The following ABCB1 variants were observed in gnomAD, a reference collection of about 807,000 sequenced individuals.
ABCB1 encodes the protein ATP-dependent translocase ABCB1.
A neutral mutation model predicts 142.0 loss-of-function variants in ABCB1; 69 were observed. The observed-to-expected ratio is 0.49, with a 90% CI of 0.40 to 0.59. ABCB1 has a LOEUF of 0.59. ABCB1 is among the 20% of genes least tolerant of loss of function. The pLI is 0.00. For synonymous variants in ABCB1, 532 were observed against 539.2 expected (o/e 0.99, Z 0.18); for missense variants, 1,326 against 1,554.7 (o/e 0.85, Z 2.47).
chr7:87,679,218 A>G (rs1318322929), intron 1 of ABCB1, among the ~76,000 whole-genome samples: 1 of 146,636 alleles, frequency 6.8e-6, no homozygotes, highest in Non-Finnish European at 1.5e-5. Flanking sequence ...TCAGCCTCCC[A>G]AGAAGCTGGG....
At chr7:87,638,833 C>A (rs542322451) in intron 1 of ABCB1, among the ~76,000 whole-genome samples, 1 of 152,078 alleles carries the variant, frequency 6.6e-6, no homozygotes, top group Admixed American at 6.5e-5. Flanking sequence ...TGTTAATTTT[C>A]TCTGTCGACT....
At chr7:87,634,505 G>T in intron 1 of ABCB1, among the ~76,000 whole-genome samples, 2 of 86,920 alleles carry the variant, frequency 2.3e-5, no homozygotes, top group Non-Finnish European at 4.6e-5. Flanking sequence ...GGGGGGGGGG[G>T]CACCTGTAAT....
chr7:87,675,653 C>CAAAAAAAAAAAAAAAAAAAAGA (rs200136132), intron 1 of ABCB1, among the ~76,000 whole-genome samples: 7 of 65,804 alleles, frequency 1.1e-4, no homozygotes, highest in East Asian at 4.4e-4. Context: ...TATTCACATG[C>CAAAAAAAAAAAAAAAAAAAAGA]AAAAAAAAAA....
chr7:87,565,944 A>G, intron 7 of ABCB1, 126 bp downstream of exon 7: 1 of 1,100,466 alleles, frequency 9.1e-7, no homozygotes, highest in Non-Finnish European at 1.4e-6. Flanking sequence ...GCTGATTTTG[A>G]ACAGAAAACG....
rs543994338 is a variant in ABCB1, at chr7:87,624,345, A to G, written c.-330-23267T>C. ...ATGCTGGGTTTATGGCATATTTAAA[A>G]AGTCCACTTCTCTGAGACTAGAATA... On this transcript the variant is annotated intron_variant, in intron 1 of 28. Coordinates refer to the ABCB1 transcript ENST00000265724. 4.6e-5 allele frequency among the ~76,000 whole-genome samples: 7 copies of G among 152,306 alleles called. No homozygotes were observed. The East Asian group carries it at 1.3e-3, about 29-fold the overall frequency.
In ABCB1 at chr7:87,606,717, T is replaced by C. The variant is rs28381793; in HGVS notation, c.-330-5639A>G. Among the ~76,000 whole-genome samples, 798 of 152,216 alleles carry C rather than the reference T, an allele frequency of 5.2e-3. 6 individuals are homozygous for C. The highest frequency in any genetic ancestry group is 8.4e-3 in the Non-Finnish European group (569 of 67,956). Reference sequence around the variant, plus strand: ...TGGTGTAATATTAGAGATAAAGATATCAAAGTGTCAAGAGTGATTATCTTT... The same window carrying C: ...TGGTGTAATATTAGAGATAAAGATACCAAAGTGTCAAGAGTGATTATCTTT... On this transcript the variant is annotated intron_variant, in intron 1 of 28. Transcript: ENST00000265724.
chr7:87,548,001 A>C (rs1406805797), intron 14 of ABCB1, among the ~76,000 whole-genome samples: 1 of 150,348 alleles, frequency 6.7e-6, no homozygotes, highest in Non-Finnish European at 1.5e-5. Context: ...CTGGTGACAG[A>C]GTGAGAAAAG....
intron 20 of ABCB1, among the ~76,000 whole-genome samples, chr7:87,533,109 G>T (rs1007278618): frequency 2.0e-5 from 3 of 152,036 alleles, no homozygotes; most frequent in African/African-American, 7.2e-5. Flanking sequence ...GGGATGATTT[G>T]CCAAATTTGG....
At chr7:87,580,572 G>A (rs544203472) in intron 4 of ABCB1, among the ~76,000 whole-genome samples, 2 of 152,178 alleles carry the variant, frequency 1.3e-5, no homozygotes, top group East Asian at 1.9e-4. Flanking sequence ...CAACATTCTC[G>A]TACTTGAATA....
In ABCB1 at chr7:87,544,918, C is replaced by A. The variant is rs1372487776; in HGVS notation, c.1969G>T (p.Asp657Tyr). 1 of 1,614,068 alleles carries A rather than the reference C, an allele frequency of 6.2e-7. No individual in the cohort carries two copies. The highest frequency in any genetic ancestry group is 1.3e-5 in the African/African-American group (1 of 75,048). ...TTTCTTATTAGACTGGATCTTGAAT[C>A]ATTTGAAGACATTTCCAAGGCATCA... ...EIDALEMSSN[D>Y]SRSSLIRKRS... Residue 657 changes from aspartate (D) to tyrosine (Y), a missense_variant, in exon 16 of 28, where the codon GAT becomes TAT. Physicochemically the swap from Asp to Tyr is radical, Grantham distance 160. Coordinates refer to ENST00000622132, the MANE Select transcript of ABCB1 (RefSeq NM_001348946.2).
chr7:87,661,333 T>C (rs1446981480), intron 1 of ABCB1, among the ~76,000 whole-genome samples: 1 of 152,004 alleles, frequency 6.6e-6, no homozygotes, highest in African/African-American at 2.4e-5. Flanking sequence ...CACCCTGTTG[T>C]GTGATCAAAT....
chr7:87,661,405 G>GC (rs1382447657), intron 1 of ABCB1, among the ~76,000 whole-genome samples: 1 of 146,238 alleles, frequency 6.8e-6, no homozygotes, highest in Non-Finnish European at 1.5e-5. Context: ...CCCACTAACT[G>GC]CCCCCCACCT....
intron 1 of ABCB1, among the ~76,000 whole-genome samples, chr7:87,616,277 A>G (rs1159409554): frequency 6.6e-6 from 1 of 152,190 alleles, no homozygotes; most frequent in Non-Finnish European, 1.5e-5. Context: ...TGCAGAGTGA[A>G]TATATATAAG....
At chr7:87,691,862 T>G (rs147838121) in intron 1 of ABCB1, among the ~76,000 whole-genome samples, 1 of 152,186 alleles carries the variant, frequency 6.6e-6, no homozygotes, top group Non-Finnish European at 1.5e-5. Flanking sequence ...GAAAACCGAT[T>G]GCTGGGTCTT....
At chr7:87,559,639 A>T (rs922876390) in intron 8 of ABCB1, among the ~76,000 whole-genome samples, 4 of 151,552 alleles carry the variant, frequency 2.6e-5, no homozygotes, top group Non-Finnish European at 4.4e-5. Context: ...ATTTTCAATA[A>T]TTTTGTATTT....
chr7:87,645,734 T>C (rs1346509436), intron 1 of ABCB1, among the ~76,000 whole-genome samples: 2 of 152,206 alleles, frequency 1.3e-5, no homozygotes, highest in Non-Finnish European at 2.9e-5. Flanking sequence ...TAGCACATCT[T>C]AGTTACTGTG....
rs553364204 is a variant in ABCB1 at position 87,631,217 on chromosome 7, C to A, written c.-330-30139G>T. 3.7e-4 allele frequency among the ~76,000 whole-genome samples: 57 copies of A among 152,206 alleles called. 1 individual carries two copies. The South Asian group carries it at 0.011, about 29-fold the overall frequency. ...TATATGATAGGCTTTGTCTGAATGA[C>A]TTTTACTTTTTGGAAGAAAGTCACT... On this transcript the variant is annotated intron_variant, in intron 1 of 28. Transcript: ENST00000265724.
At chr7:87,540,632 C>T (rs184969933) in intron 18 of ABCB1, among the ~76,000 whole-genome samples, 8 of 152,124 alleles carry the variant, frequency 5.3e-5, no homozygotes, top group Non-Finnish European at 1.0e-4. Context: ...GTATTTTTAG[C>T]GGAGACAGAG....
At chr7:87,614,839 GT>G (rs398067053) in intron 1 of ABCB1, among the ~76,000 whole-genome samples, 3 of 149,750 alleles carry the variant, frequency 2.0e-5, no homozygotes, top group Admixed American at 6.7e-5. Context: ...GTGTGTAGGT[GT>G]TTTTTTTTGG....
Sources: gnomAD v4.1 joint callset for allele counts (sites outside exome capture counted in the v4.1 genomes callset) on GRCh38, gnomAD v4.1.1 for gene constraint, MANE v1.5 for transcripts, NCBI Gene and HGNC (gene_info 2026-07-23, HGNC 2026-07-21) for gene names.